Variants in GALNT17 observed in about 807,000 individuals in gnomAD.
GALNT17 encodes polypeptide N-acetylgalactosaminyltransferase 17.
A neutral mutation model predicts 63.7 loss-of-function variants in GALNT17; 29 were observed. The ratio of observed to expected loss-of-function variants is 0.46; its 90% confidence interval spans 0.34 to 0.62. The LOEUF is 0.62. Ranked by LOEUF, GALNT17 falls within the 20% of genes least tolerant of loss-of-function variation. The probability of loss-of-function intolerance (pLI) is 0.01; values close to 1 mark genes in which losing one functional copy is unlikely to be tolerated. For missense variants in GALNT17, 603 were observed against 799.6 expected (o/e 0.75, Z 2.97); for synonymous variants, 305 against 318.3 (o/e 0.96, Z 0.45).
chr7:71,633,244 C>A (rs1790482617), intron 6 of GALNT17, among the ~76,000 whole-genome samples: 1 of 152,030 alleles, frequency 6.6e-6, no homozygotes, highest in Non-Finnish European at 1.5e-5. Context: ...TCGCCATGTC[C>A]CAGGCACAGC....
chr7:71,242,662 G>C (rs552622927), intron 1 of GALNT17, among the ~76,000 whole-genome samples: 3 of 152,132 alleles, frequency 2.0e-5, no homozygotes, highest in African/African-American at 4.8e-5. Flanking sequence ...ATGTAGTTTT[G>C]AGTCAACTTG....
At chr7:71,268,842 G>A (rs1476493670) in intron 1 of GALNT17, among the ~76,000 whole-genome samples, 2 of 152,132 alleles carry the variant, frequency 1.3e-5, no homozygotes, top group African/African-American at 4.8e-5. Flanking sequence ...GAGGGCAGGA[G>A]TTTGGTAGGC....
intron 5 of GALNT17, among the ~76,000 whole-genome samples, chr7:71,540,285 T>C (rs947094481): frequency 7.9e-5 from 12 of 151,002 alleles, no homozygotes; most frequent in African/African-American, 2.9e-4. Flanking sequence ...CCCGGCTAAT[T>C]TTTGTATTTT....
chr7:71,132,898 G>T lies in GALNT17; in HGVS notation c.96G>T (p.Ala32=), dbSNP rs61741535. The change falls in exon 1 of 11, where the codon GCG becomes GCT. Residue 32 remains alanine, a synonymous_variant. Transcript: ENST00000333538. ...TCCTGGCCAAGTGCCGGCCCATCGC[G>T]GTGCGCAGCGGAGACGCCTTCCACG... ...VLFLAKCRPI[A]VRSGDAFHEI... The T allele has an allele frequency of 6.2e-7, 1 of 1,612,676 alleles. No homozygotes were observed. The highest frequency in any genetic ancestry group is 8.5e-7 in the Non-Finnish European group (1 of 1,179,500).
intron 5 of GALNT17, among the ~76,000 whole-genome samples, chr7:71,524,539 C>T (rs1433006626): frequency 1.3e-5 from 2 of 151,968 alleles, no homozygotes; most frequent in African/African-American, 4.8e-5. Context: ...CTGGTTGAAT[C>T]GATGGCCACG....
At chr7:71,168,987 C>T (rs1788496701) in intron 1 of GALNT17, among the ~76,000 whole-genome samples, 1 of 152,120 alleles carries the variant, frequency 6.6e-6, no homozygotes, top group Non-Finnish European at 1.5e-5. Flanking sequence ...GAGGCTGTCC[C>T]TGGCCCTGTG....
intron 9 of GALNT17, among the ~76,000 whole-genome samples, chr7:71,694,359 A>ATAT (rs1791508110): frequency 7.2e-6 from 1 of 138,692 alleles, no homozygotes; most frequent in Admixed American, 7.5e-5. Context: ...AATTATCCCA[A>ATAT]TTTTTTTTTT....
chr7:71,577,760 G>A (rs1789562790), intron 6 of GALNT17, among the ~76,000 whole-genome samples: 2 of 152,144 alleles, frequency 1.3e-5, no homozygotes, highest in Admixed American at 1.3e-4. Context: ...CTTAATTGCT[G>A]GTTGCATAGC....
intron 7 of GALNT17, among the ~76,000 whole-genome samples, chr7:71,668,041 C>T (rs1323521858): frequency 1.3e-5 from 2 of 152,212 alleles, no homozygotes; most frequent in East Asian, 1.9e-4. Flanking sequence ...TCAAGCAATC[C>T]TCCCACCTCA....
chr7:71,545,059 CA>C (rs1788959944), intron 5 of GALNT17, among the ~76,000 whole-genome samples: 3 of 152,104 alleles, frequency 2.0e-5, no homozygotes, highest in Non-Finnish European at 4.4e-5. Flanking sequence ...CTAGGGTTTG[CA>C]TATCAGAATC....
intron 1 of GALNT17, among the ~76,000 whole-genome samples, chr7:71,213,285 G>A (rs1159148595): frequency 6.6e-6 from 1 of 152,148 alleles, no homozygotes; most frequent in Non-Finnish European, 1.5e-5. Context: ...TGTAAGAAGT[G>A]GCTTTTGCCT....
chr7:71,433,329 A>G (rs1040013861), intron 5 of GALNT17, among the ~76,000 whole-genome samples: 3 of 152,204 alleles, frequency 2.0e-5, no homozygotes, highest in Admixed American at 1.3e-4. Context: ...AATAGTGCTT[A>G]CCCACTACTA....
chr7:71,558,453 T>TA (rs1351236259), intron 5 of GALNT17, among the ~76,000 whole-genome samples: 9 of 151,872 alleles, frequency 5.9e-5, no homozygotes, highest in East Asian at 1.9e-4. Flanking sequence ...GTTCATCTGT[T>TA]AAAAAAAATC....
intron 5 of GALNT17, among the ~76,000 whole-genome samples, chr7:71,429,530 G>A (rs1253300730): frequency 6.6e-6 from 1 of 152,124 alleles, no homozygotes; most frequent in East Asian, 1.9e-4. Flanking sequence ...TTTCCACCAG[G>A]ATTTCTTTTT....
chr7:71,346,515 C>G (rs1792098384), intron 2 of GALNT17, among the ~76,000 whole-genome samples: 1 of 152,014 alleles, frequency 6.6e-6, no homozygotes, highest in African/African-American at 2.4e-5. Context: ...GCAAGGTGGC[C>G]TTGGAGAGGT....
intron 1 of GALNT17, among the ~76,000 whole-genome samples, chr7:71,206,948 AC>A (rs1255035673): frequency 6.6e-6 from 1 of 152,100 alleles, no homozygotes; most frequent in East Asian, 1.9e-4. Flanking sequence ...TACTAAAAAT[AC>A]AAAAAAAATA....
chr7:71,229,074 G>T (rs189834577), intron 1 of GALNT17, among the ~76,000 whole-genome samples: 98 of 152,324 alleles, frequency 6.4e-4, no homozygotes, highest in Admixed American at 2.9e-3. Flanking sequence ...TTCCTTCACC[G>T]ACAGAGCAGT....
chr7:71,397,875 T>C (rs901005248), intron 3 of GALNT17, among the ~76,000 whole-genome samples: 1 of 152,226 alleles, frequency 6.6e-6, no homozygotes, highest in Non-Finnish European at 1.5e-5. Context: ...TCTAGGTGAA[T>C]GATGGTGTCG....
intron 2 of GALNT17, among the ~76,000 whole-genome samples, chr7:71,367,361 T>C (rs1792531731): frequency 6.6e-6 from 1 of 152,016 alleles, no homozygotes; most frequent in Non-Finnish European, 1.5e-5. Flanking sequence ...GCGCTGGCCA[T>C]GGGTTTACCT....
Sources: allele counts gnomAD v4.1 joint callset (sites outside exome capture counted in the v4.1 genomes callset), GRCh38; gene constraint gnomAD v4.1.1; transcripts MANE v1.5; gene names NCBI Gene and HGNC (gene_info 2026-07-23, HGNC 2026-07-21).